The following FIRRM variants were observed in gnomAD, a reference collection of about 807,000 sequenced individuals.
FIRRM encodes the protein FIGNL1 interacting regulator of recombination and mitosis.
At chr1:169,827,836 A>G in the FIRRM span, 5 of 1,613,802 alleles carry the variant, frequency 3.1e-6, no homozygotes, top group Non-Finnish European at 4.2e-6. Flanking sequence ...AGAAACGACA[A>G]CCAGGTAGCA....
the FIRRM span, chr1:169,847,660 A>G: frequency 3.4e-6 from 5 of 1,464,376 alleles, no homozygotes; most frequent in Non-Finnish European, 4.8e-6. Context: ...GGTATTATTT[A>G]TAACTGTTCT....
chr1:169,792,031 T>C, the FIRRM span, among the ~76,000 whole-genome samples: 1 of 152,254 alleles, frequency 6.6e-6, no homozygotes, highest in Non-Finnish European at 1.5e-5. Flanking sequence ...ACAAGTTCTC[T>C]GTATTACTTT....
the FIRRM span, among the ~76,000 whole-genome samples, chr1:169,820,646 C>T: frequency 2.0e-5 from 3 of 152,184 alleles, no homozygotes; most frequent in Non-Finnish European, 4.4e-5. Context: ...CCCACCCTGT[C>T]TTAGGAGAGA....
At chr1:169,811,755 AG>A in the FIRRM span, among the ~76,000 whole-genome samples, 1 of 151,440 alleles carries the variant, frequency 6.6e-6, no homozygotes, top group South Asian at 2.1e-4. Flanking sequence ...TTATCTAAAT[AG>A]ATAATAGACA....
chr1:169,813,663 C>T, the FIRRM span, among the ~76,000 whole-genome samples: 3 of 152,024 alleles, frequency 2.0e-5, no homozygotes, highest in Admixed American at 6.6e-5. Context: ...ACCAATTGTT[C>T]GGTATGTCCA....
At chr1:169,829,474 A>G in the FIRRM span, 1 of 1,567,034 alleles carries the variant, frequency 6.4e-7, no homozygotes, top group Non-Finnish European at 8.6e-7. Context: ...TACTGTGCTA[A>G]GCTAAGGTTA....
chr1:169,789,046 G>A, the FIRRM span, among the ~76,000 whole-genome samples: 1 of 152,198 alleles, frequency 6.6e-6, no homozygotes, highest in Admixed American at 6.5e-5. Flanking sequence ...TTGGACTGCA[G>A]TAGAGGAGTC....
chr1:169,853,193 TG>T, the FIRRM span: 1 of 587,944 alleles, frequency 1.7e-6, no homozygotes, highest in Non-Finnish European at 3.0e-6. Context: ...AGTCAGGAAC[TG>T]CCTAGGTCCA....
chr1:169,812,893 C>T, the FIRRM span, among the ~76,000 whole-genome samples: 1 of 151,504 alleles, frequency 6.6e-6, no homozygotes, highest in Non-Finnish European at 1.5e-5. Flanking sequence ...GGTGAATTTT[C>T]ATCTACCCTA....
At chr1:169,845,796 T>G in the FIRRM span, among the ~76,000 whole-genome samples, 2 of 152,220 alleles carry the variant, frequency 1.3e-5, no homozygotes, top group African/African-American at 4.8e-5. Flanking sequence ...ACGGTAGGCT[T>G]GAACCCCCCA....
the FIRRM span, chr1:169,827,017 T>C: frequency 1.2e-6 from 2 of 1,602,106 alleles, no homozygotes; most frequent in Non-Finnish European, 1.7e-6. Context: ...AAGATAGCTA[T>C]TAATGAATGA....
At chr1:169,846,908 C>T in the FIRRM span, among the ~76,000 whole-genome samples, 2 of 152,148 alleles carry the variant, frequency 1.3e-5, no homozygotes, top group African/African-American at 4.8e-5. Flanking sequence ...CTTTTGACAG[C>T]ACCAGGCTGA....
At chr1:169,811,082 G>A in the FIRRM span, among the ~76,000 whole-genome samples, 8 of 150,666 alleles carry the variant, frequency 5.3e-5, no homozygotes, top group Non-Finnish European at 8.9e-5. Context: ...GGATGGTCTC[G>A]ATCTCCTGAC....
At chr1:169,800,924 A>G in the FIRRM span, 3 of 1,599,174 alleles carry the variant, frequency 1.9e-6, no homozygotes, top group Non-Finnish European at 2.6e-6. Flanking sequence ...ACCTCATATG[A>G]ACCACCTGAC....
At chr1:169,802,581 TTTCTC>T in the FIRRM span, 1 of 1,379,840 alleles carries the variant, frequency 7.2e-7, no homozygotes, top group Non-Finnish European at 1.0e-6. Context: ...TTTCTAGTGA[TTTCTC>T]TTATTCCTGT....
At chr1:169,834,923 G>A in the FIRRM span, among the ~76,000 whole-genome samples, 2 of 152,094 alleles carry the variant, frequency 1.3e-5, no homozygotes, top group Admixed American at 1.3e-4. Flanking sequence ...AATGTTGTTG[G>A]GTGTTTGTAG....
At chr1:169,852,793 T>C in the FIRRM span, 3 of 1,613,786 alleles carry the variant, frequency 1.9e-6, no homozygotes, top group South Asian at 2.2e-5. Context: ...TTTCCAGCCT[T>C]ATGCAAAAAG....
At chr1:169,811,885 A>G in the FIRRM span, among the ~76,000 whole-genome samples, 2 of 147,370 alleles carry the variant, frequency 1.4e-5, no homozygotes, top group African/African-American at 5.1e-5. Flanking sequence ...AGATAGATAG[A>G]TAGATAGAGC....
At chr1:169,794,853 C>G in the FIRRM span, 1 of 493,518 alleles carries the variant, frequency 2.0e-6, no homozygotes, top group Admixed American at 3.3e-5. Context: ...TGGGATCGCG[C>G]TTCTGAAAAA....
Sources: gnomAD v4.1 joint callset for allele counts (sites outside exome capture counted in the v4.1 genomes callset) on GRCh38, gnomAD v4.1.1 for gene constraint, MANE v1.5 for transcripts, NCBI Gene and HGNC (gene_info 2026-07-23, HGNC 2026-07-21) for gene names.